The following CDKAL1 variants were observed in gnomAD, a reference collection of about 807,000 sequenced individuals.
CDKAL1 encodes the protein CDKAL1 threonylcarbamoyladenosine tRNA methylthiotransferase, also known as threonylcarbamoyladenosine tRNA methylthiotransferase.
In CDKAL1, 32 loss-of-function variants were observed where a neutral mutation model predicts 68.2. That is an observed-to-expected ratio of 0.47 (90% CI 0.35 to 0.63). CDKAL1 has a LOEUF of 0.63. Ranked by LOEUF, CDKAL1 falls within the 30% of genes least tolerant of loss-of-function variation. CDKAL1 has a pLI of 0.00. For synonymous variants in CDKAL1, 234 were observed against 244.3 expected, an observed-to-expected ratio of 0.96 and a Z score of 0.39; for missense variants, 606 against 696.7, an observed-to-expected ratio of 0.87 and a Z score of 1.47.
intron 13 of CDKAL1, among the ~76,000 whole-genome samples, chr6:21,145,114 G>C (rs1007822172): frequency 2.2e-4 from 33 of 152,222 alleles, no homozygotes; most frequent in South Asian, 6.2e-4. Context: ...GGGTGGCATG[G>C]AGCTCATTTG....
chr6:21,036,284 A>G (rs1288649950), intron 11 of CDKAL1, among the ~76,000 whole-genome samples: 1 of 152,152 alleles, frequency 6.6e-6, no homozygotes. Flanking sequence ...AACAGAAGCT[A>G]GTTTAAAAGT....
chr6:20,756,037 C>T (rs922375116), intron 6 of CDKAL1: 1 of 152,172 alleles, frequency 6.6e-6, no homozygotes, highest in Non-Finnish European at 1.5e-5. Flanking sequence ...CCATGCTTTA[C>T]CCCTAACCTC....
intron 10 of CDKAL1, among the ~76,000 whole-genome samples, chr6:20,960,556 T>C (rs1325166614): frequency 1.3e-5 from 2 of 152,248 alleles, no homozygotes; most frequent in African/African-American, 4.8e-5. Context: ...ATGACTGTTA[T>C]CATAAGGGAG....
chr6:21,148,975 A>G (rs1776293222), intron 13 of CDKAL1, among the ~76,000 whole-genome samples: 3 of 152,164 alleles, frequency 2.0e-5, no homozygotes, highest in Non-Finnish European at 2.9e-5. Context: ...AGCATAAGGG[A>G]CATTAGCTTT....
chr6:20,871,341 T>C (rs1432946373), intron 9 of CDKAL1, among the ~76,000 whole-genome samples: 1 of 152,188 alleles, frequency 6.6e-6, no homozygotes, highest in Non-Finnish European at 1.5e-5. Flanking sequence ...GAAATAATTG[T>C]AATATGATAT....
At chr6:21,076,512 A>G (rs1283626956) in intron 12 of CDKAL1, among the ~76,000 whole-genome samples, 1 of 152,230 alleles carries the variant, frequency 6.6e-6, no homozygotes, top group East Asian at 1.9e-4. Flanking sequence ...GTTTTAAAGA[A>G]TATCAGGTTG....
At chr6:20,793,836 A>AATAT (rs149115711) in intron 8 of CDKAL1, among the ~76,000 whole-genome samples, 45 of 147,522 alleles carry the variant, frequency 3.1e-4, no homozygotes, top group Middle Eastern at 3.6e-3. Context: ...GGTTATATAT[A>AATAT]ATATATATAT....
chr6:20,838,643 G>A (rs188448546), intron 8 of CDKAL1, among the ~76,000 whole-genome samples: 2 of 152,264 alleles, frequency 1.3e-5, no homozygotes, highest in Admixed American at 1.3e-4. Flanking sequence ...CTCCCAGGGA[G>A]TAAGCTGCTA....
At chr6:20,633,916 A>T (rs1035556570) in intron 4 of CDKAL1, among the ~76,000 whole-genome samples, 39 of 152,198 alleles carry the variant, frequency 2.6e-4, no homozygotes, top group African/African-American at 9.2e-4. Context: ...TTAATTATGA[A>T]ATTGGTAGTT....
At chr6:21,033,529 G>A (rs923892655) in intron 11 of CDKAL1, among the ~76,000 whole-genome samples, 1 of 152,116 alleles carries the variant, frequency 6.6e-6, no homozygotes, top group Non-Finnish European at 1.5e-5. Flanking sequence ...ACCTGGAGAG[G>A]AGGATGGGAA....
At chr6:21,192,027 T>G (rs1778268658) in intron 13 of CDKAL1, among the ~76,000 whole-genome samples, 2 of 103,760 alleles carry the variant, frequency 1.9e-5, no homozygotes, top group African/African-American at 7.5e-5. Context: ...TTTTTTTTTT[T>G]TTTTTGAGAC....
At chr6:20,644,676 A>C (rs568634058) in intron 4 of CDKAL1, among the ~76,000 whole-genome samples, 6 of 146,388 alleles carry the variant, frequency 4.1e-5, no homozygotes, top group Non-Finnish European at 9.1e-5. Flanking sequence ...TCAAAACAAA[A>C]ACAAAAACAA....
At chr6:20,618,826 G>A (rs141517188) in intron 4 of CDKAL1, among the ~76,000 whole-genome samples, 2,902 of 152,050 alleles carry the variant, frequency 0.019, 34 homozygotes, top group Non-Finnish European at 0.032. Flanking sequence ...CCACAGGCAC[G>A]TGCCACCACA....
rs71559677 is a variant in CDKAL1, at chr6:20,613,249, C to CTTTTTTTTTTTT, written c.287-36012_287-36001dup. 3.9e-4 allele frequency among the ~76,000 whole-genome samples: 30 copies of CTTTTTTTTTTTT among 77,866 alleles called. 3 individuals carry two copies. Among genetic ancestry groups the CTTTTTTTTTTTT allele is most frequent in the South Asian group, 8.4e-4 (2 of 2,390 alleles). The allele number at this position is 77,866 out of a possible 152,430, so 51.1% of individuals were successfully genotyped here. On this transcript the variant is annotated intron_variant, in intron 4 of 15. Transcript: ENST00000274695. ...TATCAGTTCATCACAAAATTTCTTT[C>CTTTTTTTTTTTT]TTTTTTTTTTTTTTTTTTTTTTTTT...
chr6:20,567,498 C>T (rs1764508534), intron 4 of CDKAL1, among the ~76,000 whole-genome samples: 1 of 151,994 alleles, frequency 6.6e-6, no homozygotes, highest in African/African-American at 2.4e-5. Context: ...CTCTCTTGCA[C>T]ATCTTTTTCT....
At chr6:20,690,667 AT>A (rs1314571527) in intron 5 of CDKAL1, among the ~76,000 whole-genome samples, 1 of 152,038 alleles carries the variant, frequency 6.6e-6, no homozygotes, top group Non-Finnish European at 1.5e-5. Flanking sequence ...ATTATTTACT[AT>A]TTATATTGTC....
chr6:20,737,450 T>C (rs1020215878), intron 5 of CDKAL1, among the ~76,000 whole-genome samples: 2 of 152,266 alleles, frequency 1.3e-5, no homozygotes, highest in Non-Finnish European at 2.9e-5. Flanking sequence ...AGAAATTGAA[T>C]AGCATTTTAG....
intron 15 of CDKAL1, among the ~76,000 whole-genome samples, chr6:21,228,424 A>C (rs577044202): frequency 6.6e-6 from 1 of 152,204 alleles, no homozygotes; most frequent in African/African-American, 2.4e-5. Context: ...AAATTAATCA[A>C]CCTCTTAATT....
At chr6:21,066,752 G>T (rs749454200) in intron 12 of CDKAL1, among the ~76,000 whole-genome samples, 13 of 152,186 alleles carry the variant, frequency 8.5e-5, no homozygotes, top group Non-Finnish European at 1.8e-4. Flanking sequence ...ATCTCAAGTA[G>T]CTGGGACTAC....
Sources: gnomAD v4.1 joint callset for allele counts (sites outside exome capture counted in the v4.1 genomes callset) on GRCh38, gnomAD v4.1.1 for gene constraint, MANE v1.5 for transcripts, NCBI Gene and HGNC (gene_info 2026-07-23, HGNC 2026-07-21) for gene names.